Variants in CARMIL1 observed in about 807,000 individuals in gnomAD.
The protein encoded by CARMIL1 is capping protein regulator and myosin 1 linker 1, also known as F-actin-uncapping protein LRRC16A.
CARMIL1 carries 90 observed loss-of-function variants against 177.1 expected under a neutral mutation model. The observed-to-expected ratio is 0.51, with a 90% CI of 0.43 to 0.61. The LOEUF is 0.61. Ranked by LOEUF, CARMIL1 falls within the 20% of genes least tolerant of loss-of-function variation. The pLI, the probability that CARMIL1 is intolerant of heterozygous loss-of-function variation, is 0.00. For synonymous variants in CARMIL1, 577 were observed against 606.2 expected (o/e 0.95, Z 0.71); for missense variants, 1,380 against 1,667.0 (o/e 0.83, Z 3.00).
intron 24 of CARMIL1, among the ~76,000 whole-genome samples, chr6:25,537,053 T>A (rs1333332835): frequency 6.6e-6 from 1 of 152,202 alleles, no homozygotes; most frequent in Non-Finnish European, 1.5e-5. Flanking sequence ...TTTGTATAAG[T>A]ACAAATATAG....
intron 2 of CARMIL1, among the ~76,000 whole-genome samples, chr6:25,380,429 T>C (rs1791407637): frequency 6.6e-6 from 1 of 152,186 alleles, no homozygotes; most frequent in Non-Finnish European, 1.5e-5. Flanking sequence ...AAACTTTATT[T>C]AAAGCAATAG....
intron 2 of CARMIL1, among the ~76,000 whole-genome samples, chr6:25,306,380 C>G (rs147083698): frequency 5.3e-5 from 8 of 152,196 alleles, no homozygotes; most frequent in Non-Finnish European, 1.2e-4. Context: ...CTCATAGTTA[C>G]GAGAACCCTG....
chr6:25,476,572 CT>C (rs1306052816), intron 11 of CARMIL1, among the ~76,000 whole-genome samples: 2 of 152,116 alleles, frequency 1.3e-5, no homozygotes, highest in East Asian at 3.8e-4. Context: ...TGATTGGTAG[CT>C]TTTCTGCTCA....
intron 2 of CARMIL1, among the ~76,000 whole-genome samples, chr6:25,334,797 CT>C (rs754266412): frequency 3.9e-5 from 6 of 152,186 alleles, no homozygotes; most frequent in Non-Finnish European, 7.3e-5. Flanking sequence ...GAAAGGCCAG[CT>C]TCTCACAGAT....
intron 9 of CARMIL1, among the ~76,000 whole-genome samples, chr6:25,470,041 G>T (rs568231805): frequency 1.3e-5 from 2 of 152,196 alleles, no homozygotes; most frequent in African/African-American, 4.8e-5. Context: ...TTTAATTGTT[G>T]TAATCTTGTT....
intron 35 of CARMIL1, among the ~76,000 whole-genome samples, chr6:25,607,450 C>T (rs144463544): frequency 2.0e-3 from 312 of 152,242 alleles, no homozygotes; most frequent in Non-Finnish European, 3.5e-3. Flanking sequence ...TCAATATCCT[C>T]GTCACTGCTC....
intron 23 of CARMIL1, among the ~76,000 whole-genome samples, chr6:25,526,719 A>G (rs949903791): frequency 3.9e-4 from 59 of 151,948 alleles, no homozygotes; most frequent in African/African-American, 1.4e-3. Flanking sequence ...TGCCTGGCTA[A>G]TTTTTTAATT....
chr6:25,413,813 A>T (rs1427494984), intron 2 of CARMIL1, among the ~76,000 whole-genome samples: 1 of 150,744 alleles, frequency 6.6e-6, no homozygotes, highest in African/African-American at 2.4e-5. Flanking sequence ...ATGCACCCTA[A>T]TTTTTTTTTT....
chr6:25,343,316 CT>C (rs5875030), intron 2 of CARMIL1, among the ~76,000 whole-genome samples: 66,450 of 135,314 alleles, frequency 0.49, 15,048 homozygotes, highest in East Asian at 0.63. Flanking sequence ...AGTATTTTTG[CT>C]TTTTTTTTTT....
chr6:25,366,635 C>T (rs1789842883), intron 2 of CARMIL1, among the ~76,000 whole-genome samples: 1 of 150,568 alleles, frequency 6.6e-6, no homozygotes, highest in Non-Finnish European at 1.5e-5. Flanking sequence ...GTGCCTGGCA[C>T]ATACTAGATC....
intron 2 of CARMIL1, among the ~76,000 whole-genome samples, chr6:25,297,275 G>T (rs1421877104): frequency 6.6e-6 from 1 of 152,204 alleles, no homozygotes; most frequent in Non-Finnish European, 1.5e-5. Context: ...CACATATTTG[G>T]CTTGGGTGTA....
intron 11 of CARMIL1, among the ~76,000 whole-genome samples, chr6:25,475,330 G>A (rs1329861628): frequency 6.6e-6 from 1 of 152,026 alleles, no homozygotes; most frequent in Non-Finnish European, 1.5e-5. Flanking sequence ...TGACTGGGGA[G>A]GCAGAGCTTG....
chr6:25,408,782 G>C (rs77566124), intron 2 of CARMIL1, among the ~76,000 whole-genome samples: 1 of 151,166 alleles, frequency 6.6e-6, no homozygotes, highest in Admixed American at 6.6e-5. Context: ...AGTTAAGACC[G>C]GCCTGGGCAA....
chr6:25,365,404 C>G (rs1013513414), intron 2 of CARMIL1, among the ~76,000 whole-genome samples: 1 of 152,204 alleles, frequency 6.6e-6, no homozygotes, highest in Non-Finnish European at 1.5e-5. Context: ...TGGGACTTAA[C>G]TCACTACAGG....
At chr6:25,355,971 C>T (rs1194495436) in intron 2 of CARMIL1, among the ~76,000 whole-genome samples, 1 of 152,012 alleles carries the variant, frequency 6.6e-6, no homozygotes, top group Non-Finnish European at 1.5e-5. Flanking sequence ...CTGCTACTTA[C>T]ACTCCTCCTG....
chr6:25,608,254 G>GAGAAAAAGAGAGAGAGACCACATTC (rs545497240), intron 35 of CARMIL1, among the ~76,000 whole-genome samples: 128 of 152,260 alleles, frequency 8.4e-4, no homozygotes, highest in African/African-American at 3.0e-3. Flanking sequence ...TTTTGAGAGA[G>GAGAAAAAGAGAGAGAGACCACATTC]AGAAAAAGAG....
Position 25,297,515 on chromosome 6 carries a change from A to C in CARMIL1, c.138+12606A>C, listed in dbSNP as rs147875476. Among the ~76,000 whole-genome samples, 671 of 152,098 alleles carry C rather than the reference A, an allele frequency of 4.4e-3. 7 individuals carry two copies. Among genetic ancestry groups the C allele is most frequent in the African/African-American group, 0.015 (609 of 41,504 alleles). On this transcript the variant is annotated intron_variant, in intron 2 of 36. Coordinates refer to ENST00000329474, the MANE Select transcript of CARMIL1 (RefSeq NM_017640.6). ...ACATGTTGGGTCTTCTCTGTTCAAT[A>C]TCTCTCTCTCTCTTTCTTGGCAAAG...
chr6:25,540,138 A>G (rs1360320635), intron 26 of CARMIL1, 60 bp downstream of exon 26: 2 of 1,434,094 alleles, frequency 1.4e-6, no homozygotes, highest in African/African-American at 2.9e-5. Context: ...GCATGATAGC[A>G]TTTCATTCCA....
At chr6:25,429,819 G>A (rs761570246) in intron 4 of CARMIL1, among the ~76,000 whole-genome samples, 8 of 150,828 alleles carry the variant, frequency 5.3e-5, no homozygotes, top group Non-Finnish European at 2.9e-5. Context: ...CCTGGGATAA[G>A]TCTCATTTGG....
Sources: gnomAD v4.1 joint callset for allele counts (sites outside exome capture counted in the v4.1 genomes callset) on GRCh38, gnomAD v4.1.1 for gene constraint, MANE v1.5 for transcripts, NCBI Gene and HGNC (gene_info 2026-07-23, HGNC 2026-07-21) for gene names.